FSTL5: variants seen among roughly 807,000 people sequenced by gnomAD.
FSTL5 encodes the protein follistatin-related protein 5.
In FSTL5, 62 loss-of-function variants were observed where a neutral mutation model predicts 89.1. The observed-to-expected ratio is 0.70, with a 90% CI of 0.57 to 0.86. The LOEUF is 0.86. Among genes scored for constraint, FSTL5 ranks in the 40% least tolerant of loss-of-function variants. FSTL5 has a pLI of 0.00. For missense variants in FSTL5, 1,057 were observed against 1,001.6 expected (o/e 1.06, Z -0.75); for synonymous variants, 383 against 346.2 (o/e 1.11, Z -1.18).
chr4:161,417,217 A>G (rs1731820508), intron 15 of FSTL5, among the ~76,000 whole-genome samples: 1 of 152,350 alleles, frequency 6.6e-6, no homozygotes, highest in Non-Finnish European at 1.5e-5. Flanking sequence ...ATGCTTCAAC[A>G]GTAGCCTAAT....
Position 161,911,819 on chromosome 4 carries a change from ATTAT to A in FSTL5, c.409+8581_409+8584del, listed in dbSNP as rs141019858. 3.7e-3 allele frequency among the ~76,000 whole-genome samples: 557 copies of A among 152,300 alleles called. 2 individuals are homozygous for A. Among genetic ancestry groups the A allele is most frequent in the African/African-American group, 0.012 (501 of 41,578 alleles). ...CTATGTGAAAAGAGCAATATTGCTA[ATTAT>A]TCATGCTTTTTTCGTCATTCTGGAA... On this transcript the variant is annotated intron_variant, in intron 4 of 15. Coordinates refer to ENST00000306100, the MANE Select transcript of FSTL5 (RefSeq NM_020116.5).
intron 4 of FSTL5, among the ~76,000 whole-genome samples, chr4:161,876,277 C>T (rs1377266174): frequency 1.3e-5 from 2 of 152,108 alleles, no homozygotes; most frequent in African/African-American, 4.8e-5. Flanking sequence ...GTAGAATATG[C>T]ATACATCATT....
In FSTL5 at chr4:161,831,911, T is replaced by C. The variant is rs576152842; in HGVS notation, c.410-55837A>G. ...TGAAAACTATATTCCACAAGATCAA[T>C]GAAAATAATGACTTGTGGCTTTTTA... On this transcript the variant is annotated intron_variant, in intron 4 of 15. Coordinates refer to ENST00000306100, the MANE Select transcript of FSTL5 (RefSeq NM_020116.5). Among the ~76,000 whole-genome samples, 8 of 152,090 alleles carry C rather than the reference T, an allele frequency of 5.3e-5. No homozygotes were observed. The East Asian group carries it at 5.8e-4, about 11-fold the overall frequency.
intron 4 of FSTL5, among the ~76,000 whole-genome samples, chr4:161,805,570 T>C (rs1729939795): frequency 6.6e-6 from 1 of 152,024 alleles, no homozygotes; most frequent in African/African-American, 2.4e-5. Context: ...ATTGGGAGAA[T>C]GATAGAACAA....
intron 3 of FSTL5, among the ~76,000 whole-genome samples, chr4:161,923,008 A>T (rs984770471): frequency 2.6e-5 from 4 of 151,894 alleles, no homozygotes; most frequent in Non-Finnish European, 4.4e-5. Flanking sequence ...ACAAGCCAAA[A>T]CTGATTTTAA....
intron 3 of FSTL5, among the ~76,000 whole-genome samples, chr4:161,992,435 A>AT (rs953991722): frequency 3.3e-5 from 5 of 152,140 alleles, no homozygotes; most frequent in African/African-American, 9.7e-5. Context: ...GTCAAAGCTG[A>AT]TTACAAGAAT....
chr4:162,079,342 C>T (rs1262529955), intron 2 of FSTL5, among the ~76,000 whole-genome samples: 1 of 151,570 alleles, frequency 6.6e-6, no homozygotes, highest in Non-Finnish European at 1.5e-5. Flanking sequence ...AACATGACTT[C>T]TGGAGATAGA....
intron 4 of FSTL5, among the ~76,000 whole-genome samples, chr4:161,819,187 AC>A (rs1223655690): frequency 6.6e-6 from 1 of 152,096 alleles, no homozygotes; most frequent in African/African-American, 2.4e-5. Context: ...TCTAATAATA[AC>A]TAAGTTGAAA....
At chr4:161,735,327 G>A (rs1739773147) in intron 6 of FSTL5, among the ~76,000 whole-genome samples, 1 of 152,098 alleles carries the variant, frequency 6.6e-6, no homozygotes, top group Admixed American at 6.6e-5. Context: ...CTATCCATGA[G>A]CTCCCTGAAC....
intron 2 of FSTL5, among the ~76,000 whole-genome samples, chr4:162,109,439 G>C (rs1167082057): frequency 6.6e-6 from 1 of 151,972 alleles, no homozygotes; most frequent in Non-Finnish European, 1.5e-5. Context: ...GGCATTCTCT[G>C]TCTCTACTTT....
At chr4:161,635,721 A>G (rs547881528) in intron 7 of FSTL5, among the ~76,000 whole-genome samples, 20 of 152,326 alleles carry the variant, frequency 1.3e-4, no homozygotes, top group African/African-American at 4.8e-4. Context: ...CATTACGTCT[A>G]GACAAAAGTT....
intron 3 of FSTL5, among the ~76,000 whole-genome samples, chr4:161,939,548 T>G (rs2110919179): frequency 6.6e-6 from 1 of 152,088 alleles, no homozygotes; most frequent in East Asian, 1.9e-4. Context: ...GCAATCAGGC[T>G]CATTAAGCTG....
intron 3 of FSTL5, among the ~76,000 whole-genome samples, chr4:161,923,632 A>G (rs1293828898): frequency 6.6e-6 from 1 of 151,790 alleles, no homozygotes; most frequent in Admixed American, 6.6e-5. Context: ...TAATGTTTTA[A>G]GAGTCTGATC....
chr4:161,434,005 C>G (rs62326368), intron 15 of FSTL5, among the ~76,000 whole-genome samples: 11,880 of 152,024 alleles, frequency 0.078, 581 homozygotes, highest in Non-Finnish European at 0.12. Context: ...TCAATGCAAT[C>G]ACTATTAAAA....
At chr4:161,450,074 A>G (rs1190139269) in intron 15 of FSTL5, among the ~76,000 whole-genome samples, 1 of 152,084 alleles carries the variant, frequency 6.6e-6, no homozygotes, top group Non-Finnish European at 1.5e-5. Flanking sequence ...TTCTGCCCCA[A>G]ACAAATAATT....
chr4:161,848,793 T>G (rs79943948), intron 4 of FSTL5, among the ~76,000 whole-genome samples: 11,807 of 152,170 alleles, frequency 0.078, 530 homozygotes, highest in African/African-American at 0.12. Flanking sequence ...AAAAGAGTCT[T>G]GACAAACCAT....
intron 6 of FSTL5, among the ~76,000 whole-genome samples, chr4:161,681,298 A>G (rs1737510419): frequency 6.6e-6 from 1 of 152,114 alleles, no homozygotes; most frequent in African/African-American, 2.4e-5. Flanking sequence ...AGAAAAAACT[A>G]CATCACTGAA....
intron 6 of FSTL5, among the ~76,000 whole-genome samples, chr4:161,719,856 T>C (rs1739130195): frequency 6.6e-6 from 1 of 152,162 alleles, no homozygotes; most frequent in South Asian, 2.1e-4. Flanking sequence ...AACAATGTTT[T>C]TGGGACTCTT....
At chr4:161,604,245 A>G (rs563577750) in intron 7 of FSTL5, among the ~76,000 whole-genome samples, 2 of 152,290 alleles carry the variant, frequency 1.3e-5, no homozygotes, top group South Asian at 2.1e-4. Context: ...ATACATTATT[A>G]TGCAAAAACC....
Sources: allele counts gnomAD v4.1 joint callset (sites outside exome capture counted in the v4.1 genomes callset), GRCh38; gene constraint gnomAD v4.1.1; transcripts MANE v1.5; gene names NCBI Gene and HGNC (gene_info 2026-07-23, HGNC 2026-07-21).